Variants in STX7 observed in about 807,000 individuals in gnomAD.
The protein encoded by STX7 is syntaxin-7.
Under a neutral mutation model 39.6 loss-of-function variants are expected in STX7, and 34 were observed. The observed-to-expected ratio is 0.86, with a 90% CI of 0.65 to 1.14. The LOEUF (loss-of-function observed/expected upper bound fraction) is 1.14, where lower values mean the gene tolerates loss of function less well. Ranked by LOEUF, STX7 falls within the 50% of genes most tolerant of loss-of-function variation. STX7 has a pLI of 0.00. For synonymous variants in STX7, 119 were observed against 99.1 expected, an observed-to-expected ratio of 1.20 and a Z score of -1.19; for missense variants, 284 against 310.4, an observed-to-expected ratio of 0.92 and a Z score of 0.64.
At chr6:132,495,539 A>G (rs557906602) in intron 2 of STX7, among the ~76,000 whole-genome samples, 8 of 152,294 alleles carry the variant, frequency 5.3e-5, no homozygotes, top group African/African-American at 1.9e-4. Flanking sequence ...AGATTACCCC[A>G]GAAAAAAAGG....
chr6:132,478,840 G>A (rs552895961), intron 2 of STX7, among the ~76,000 whole-genome samples: 1 of 152,238 alleles, frequency 6.6e-6, no homozygotes, highest in Admixed American at 6.5e-5. Flanking sequence ...GCTATCAATG[G>A]GATGGGACAT....
intron 2 of STX7, among the ~76,000 whole-genome samples, chr6:132,483,092 AACTTGGCATGTT>A (rs1384328851): frequency 6.6e-6 from 1 of 152,204 alleles, no homozygotes. Context: ...TTAAAAACTC[AACTTGGCATGTT>A]ATTTGAATGT....
At chr6:132,475,735 G>T (rs1199907710) in intron 2 of STX7, 73 bp from the exon 3 acceptor site, 6 of 1,008,426 alleles carry the variant, frequency 5.9e-6, no homozygotes, top group Non-Finnish European at 8.7e-6. Context: ...AAATTAATAT[G>T]TACAAGCAAT....
chr6:132,469,971 A>G lies in STX7; in HGVS notation c.517T>C (p.Ser173Pro). ...DDLRLIHERESSIRQLEADIM... is the reference protein window; with the variant it reads ...DDLRLIHEREPSIRQLEADIM... The stretch of plus-strand genomic sequence containing the variant: ...CTTACTTCAAGTTGCCTGATAGAAG[A>G]TTCTCTCTCATGAATAAGACGGAGG... Residue 173 changes from serine to proline, a missense_variant, in exon 7 of 10, where the codon TCT (serine) becomes CCT (proline). Transcript: ENST00000367941. The G allele has an allele frequency of 6.3e-7, 1 of 1,598,552 alleles. No homozygotes were observed. Among genetic ancestry groups the G allele is most frequent in the Non-Finnish European group, 8.5e-7 (1 of 1,174,382 alleles).
Position 132,452,102 on chromosome 6 carries a change from T to C in STX7, c.*8656A>G, listed in dbSNP as rs1249576752. ...CTCAACATTCAAAAATCAATCAATG[T>C]ATCTACCACATGAATGGGCTAAAGA... On this transcript the variant is annotated 3_prime_UTR_variant, in exon 10 of 10. Coordinates refer to ENST00000367941, the MANE Select transcript of STX7 (RefSeq NM_003569.3). 1 of 152,168 alleles carries C rather than the reference T, an allele frequency of 6.6e-6. No homozygotes were observed. The highest frequency in any genetic ancestry group is 1.5e-5 in the Non-Finnish European group (1 of 68,030). 9.4% of individuals were successfully genotyped at this position (152,168 alleles called of 1,614,324 possible).
chr6:132,508,207 T>G (rs1389432871), intron 1 of STX7, among the ~76,000 whole-genome samples: 4 of 152,200 alleles, frequency 2.6e-5, no homozygotes, highest in African/African-American at 9.6e-5. Context: ...CAAGCACACC[T>G]GAGGCCTACT....
chr6:132,506,036 G>A (rs1435831574), intron 1 of STX7, among the ~76,000 whole-genome samples: 2 of 151,296 alleles, frequency 1.3e-5, no homozygotes, highest in South Asian at 2.1e-4. Flanking sequence ...AAATTGGATC[G>A]CCCCATGCGG....
chr6:132,510,093 G>A (rs1381030444), intron 1 of STX7, among the ~76,000 whole-genome samples: 1 of 152,182 alleles, frequency 6.6e-6, no homozygotes, highest in African/African-American at 2.4e-5. Flanking sequence ...GGCGGGAAGG[G>A]GATAGCCAAA....
intron 1 of STX7, among the ~76,000 whole-genome samples, chr6:132,510,412 T>G (rs1775817654): frequency 6.6e-6 from 1 of 152,230 alleles, no homozygotes; most frequent in African/African-American, 2.4e-5. Flanking sequence ...TTACAGGTTA[T>G]TTTAAGCTGC....
rs1423320415 is a variant in STX7, at chr6:132,455,368, TA to T, written c.*5389del. ...TTTATAAGCTTTCTACCAATGCTAT[TA>T]GGTGTTGGAGTTAGTAACTACTGCC... On this transcript the variant is annotated 3_prime_UTR_variant, in exon 10 of 10. Coordinates refer to ENST00000367941, the MANE Select transcript of STX7 (RefSeq NM_003569.3). 1 of 152,188 alleles carries T rather than the reference TA, an allele frequency of 6.6e-6. No individual in the cohort carries two copies. Among genetic ancestry groups the T allele is most frequent in the African/African-American group, 2.4e-5 (1 of 41,434 alleles). 9.4% of individuals were successfully genotyped at this position (152,188 alleles called of 1,614,324 possible).
intron 2 of STX7, among the ~76,000 whole-genome samples, chr6:132,502,226 G>A (rs1384184571): frequency 2.6e-5 from 4 of 152,186 alleles, no homozygotes; most frequent in Non-Finnish European, 5.9e-5. Flanking sequence ...CAGCTGTTGA[G>A]GAGTTAATGA....
At position 132,450,178 on chromosome 6, in the gene STX7, T is replaced by A. The variant is rs1034695797; in HGVS notation, c.*10580A>T. ...CTTTCTAATGAGCCAGGAAATGAAC[T>A]AATATTATGTGTGTTGTATTTTATC... is the stretch of plus-strand genomic sequence containing the variant. On this transcript the variant is annotated 3_prime_UTR_variant, in exon 10 of 10. Coordinates refer to ENST00000367941, the MANE Select transcript of STX7 (RefSeq NM_003569.3). 5 of 152,202 alleles carry A rather than the reference T, an allele frequency of 3.3e-5. No homozygotes were observed. Among genetic ancestry groups the A allele is most frequent in the African/African-American group, 1.2e-4 (5 of 41,444 alleles). 9.4% of individuals were successfully genotyped at this position (152,202 alleles called of 1,614,324 possible).
intron 2 of STX7, among the ~76,000 whole-genome samples, chr6:132,494,917 C>T (rs1775386383): frequency 6.6e-6 from 1 of 152,120 alleles, no homozygotes; most frequent in Admixed American, 6.5e-5. Context: ...AGACTGCAGT[C>T]ATCCAAAGAA....
intron 9 of STX7, among the ~76,000 whole-genome samples, chr6:132,463,714 C>T (rs868857599): frequency 1.3e-5 from 2 of 152,190 alleles, no homozygotes; most frequent in East Asian, 3.8e-4. Flanking sequence ...CATCAGAGAT[C>T]CCCGGCCATC....
rs1582658674 is a variant in STX7 at position 132,476,928 on chromosome 6, A to C, written c.86-1266T>G. ...AATCCAAAGAACTCTTAACAATCTA[A>C]CCCCCTCATTCTTTTTATTTAAATG... On this transcript the variant is annotated intron_variant, in intron 2 of 9. Transcript: ENST00000367941. 3.9e-5 allele frequency among the ~76,000 whole-genome samples: 6 copies of C among 152,042 alleles called. 1 individual carries two copies. The highest frequency in any genetic ancestry group is 3.9e-4 in the Admixed American group (6 of 15,270).
intron 5 of STX7, 73 bp downstream of exon 5, chr6:132,471,390 G>A: frequency 2.7e-6 from 4 of 1,454,934 alleles, no homozygotes; most frequent in Non-Finnish European, 3.7e-6. Context: ...AAAAAATTAT[G>A]CTACTATAGA....
At position 132,460,391 on chromosome 6, in the gene STX7, G is replaced by A. The variant is rs922284614; in HGVS notation, c.*367C>T. On this transcript the variant is annotated 3_prime_UTR_variant, in exon 10 of 10. Transcript: ENST00000367941. The stretch of plus-strand genomic sequence containing the variant: ...TAATTGAAGTAACACACATCTAGGT[G>A]TGTCACAGTGACAGGGAGATGCAAA... 6.2e-6 allele frequency: 1 copy of A among 160,766 alleles called. No individual in the cohort carries two copies. The highest frequency in any genetic ancestry group is 1.4e-5 in the Non-Finnish European group (1 of 73,848). 10.0% of individuals were successfully genotyped at this position (160,766 alleles called of 1,614,324 possible).
At chr6:132,472,246 T>C in intron 4 of STX7, 36 bp downstream of exon 4, 2 of 1,546,890 alleles carry the variant, frequency 1.3e-6, no homozygotes, top group South Asian at 2.4e-5. Flanking sequence ...TTTTTTCACA[T>C]TCAATACATC....
Position 132,448,849 on chromosome 6 carries a change from AAAAAAAAAAAG to A in STX7, c.*11898_*11908del, listed in dbSNP as rs1441650052. 3.9e-5 allele frequency: 6 copies of A among 152,096 alleles called. No individual in the cohort carries two copies. Among genetic ancestry groups the A allele is most frequent in the African/African-American group, 1.2e-4 (5 of 41,310 alleles). The allele number at this position is 152,096 out of a possible 1,614,324, so 9.4% of individuals were successfully genotyped here. A position where few individuals can be genotyped will look rare whatever the true frequency, so the allele number is the denominator to read the frequency against. ...CAAGACTCTGTCTCAAAAAAAAAAA[AAAAAAAAAAAG>A]GTCTGTCAATTCGTTATTCCTTTAA... On this transcript the variant is annotated 3_prime_UTR_variant, in exon 10 of 10. Coordinates refer to ENST00000367941, the MANE Select transcript of STX7 (RefSeq NM_003569.3).
Sources: gnomAD v4.1 joint callset for allele counts (sites outside exome capture counted in the v4.1 genomes callset) on GRCh38, gnomAD v4.1.1 for gene constraint, MANE v1.5 for transcripts, NCBI Gene and HGNC (gene_info 2026-07-23, HGNC 2026-07-21) for gene names.